Variants in DCDC2B observed in about 807,000 individuals in gnomAD.
The protein encoded by DCDC2B is doublecortin domain containing 2B.
DCDC2B carries 41 observed loss-of-function variants against 38.9 expected under a neutral mutation model. That is an observed-to-expected ratio of 1.05 (90% CI 0.82 to 1.37). The LOEUF (loss-of-function observed/expected upper bound fraction) is 1.37. Ranked by LOEUF, DCDC2B falls within the 40% of genes most tolerant of loss-of-function variation. The pLI is 0.00. For synonymous variants in DCDC2B, 181 were observed against 171.9 expected (o/e 1.05, Z -0.41); for missense variants, 453 against 427.2 (o/e 1.06, Z -0.53).
rs41263995 is a variant in DCDC2B, at chr1:32,214,737, G to A, written c.715-60G>A. 2,721 of 1,604,200 alleles carry A rather than the reference G, an allele frequency of 1.7e-3. 5 individuals carry two copies. Among genetic ancestry groups the A allele is most frequent in the Non-Finnish European group, 2.2e-3 (2,536 of 1,174,668 alleles). On this transcript the variant is annotated intron_variant, in intron 6 of 8. Transcript: ENST00000409358. Reference sequence around the variant, plus strand: ...AGGGGCTCTCTGAAGCCTGAACTGGGGAGTAGGAAAGGTAAGAATGGCCAG... The same window carrying A: ...AGGGGCTCTCTGAAGCCTGAACTGGAGAGTAGGAAAGGTAAGAATGGCCAG...
rs1013885160 is a variant in DCDC2B at position 32,210,757 on chromosome 1, C to T, written c.267-515C>T. Among the ~76,000 whole-genome samples, 15 of 151,944 alleles carry T rather than the reference C, an allele frequency of 9.9e-5. No individual in the cohort carries two copies. In the East Asian group the frequency reaches 2.1e-3, roughly 22 times the overall value. On this transcript the variant is annotated intron_variant, in intron 1 of 8. Transcript: ENST00000409358. ...CAGGGTCTTGCTCTGTCACCCAGGC[C>T]GGAGTGCAGTGCACTGGCGCGATCA...
chr1:32,212,666 G>C (rs1643637999), intron 5 of DCDC2B, 30 bp downstream of exon 5: 2 of 1,613,134 alleles, frequency 1.2e-6, no homozygotes, highest in South Asian at 1.1e-5. Flanking sequence ...AGCGGTAACA[G>C]GCCGGGCAGA....
chr1:32,215,264 A>AG (rs1424632664), intron 7 of DCDC2B, 176 bp from the exon 8 acceptor site: 2 of 616,978 alleles, frequency 3.2e-6, no homozygotes, highest in African/African-American at 3.7e-5. Context: ...GGTGGGATAT[A>AG]GAGGGGATGG....
chr1:32,213,980 T>C (rs1643692546), intron 6 of DCDC2B, among the ~76,000 whole-genome samples: 1 of 151,874 alleles, frequency 6.6e-6, no homozygotes, highest in East Asian at 2.0e-4. Flanking sequence ...AAAGAAAGAT[T>C]ATCCCCATTT....
intron 6 of DCDC2B, chr1:32,214,490 A>T (rs1295984521): frequency 2.8e-6 from 1 of 355,946 alleles, no homozygotes; most frequent in East Asian, 5.6e-5. Context: ...AAGGGAACTT[A>T]TATTATCCAG....
At position 32,211,148 on chromosome 1, in the gene DCDC2B, T is replaced by C. The variant is rs922633836; in HGVS notation, c.267-124T>C. The C allele has an allele frequency of 1.8e-5, 16 of 880,924 alleles. No homozygotes were observed. The East Asian group carries it at 4.2e-4, about 23-fold the overall frequency. 54.6% of individuals were successfully genotyped at this position (880,924 alleles called of 1,614,324 possible). A position where few individuals can be genotyped will look rare whatever the true frequency, so the allele number is the denominator to read the frequency against. The stretch of plus-strand genomic sequence containing the variant: ...CCAATATCTTGTTTCTGGACTGAGA[T>C]GATTGCCACTATTCCATGGGGAGGG... On this transcript the variant is annotated intron_variant, in intron 1 of 8. Coordinates refer to ENST00000409358, the MANE Select transcript of DCDC2B (RefSeq NM_001099434.2).
rs920959546 is a variant in DCDC2B at position 32,209,812 on chromosome 1, G to A, written c.266+453G>A. On this transcript the variant is annotated intron_variant, in intron 1 of 8. Transcript: ENST00000409358. ...GTCTCCCAGGGTGGGAGAAGAATTT[G>A]AGTACCTGAGTCTCTGACTCATGTC... Among the ~76,000 whole-genome samples, 3 of 152,190 alleles carry A rather than the reference G, an allele frequency of 2.0e-5. No individual in the cohort carries two copies. The East Asian group carries it at 5.8e-4, about 29-fold the overall frequency.
intron 6 of DCDC2B, among the ~76,000 whole-genome samples, chr1:32,213,901 C>T (rs1643688690): frequency 1.3e-5 from 2 of 152,144 alleles, no homozygotes; most frequent in South Asian, 4.1e-4. Context: ...ATCTGCCCAC[C>T]TCAGCCTCCC....
intron 6 of DCDC2B, among the ~76,000 whole-genome samples, 184 bp downstream of exon 6, chr1:32,212,977 G>A (rs1025997855): frequency 2.6e-5 from 4 of 151,776 alleles, no homozygotes; most frequent in South Asian, 2.1e-4. Context: ...TGCAACCTCC[G>A]CCTCCCAGGT....
chr1:32,211,423 G>C, intron 2 of DCDC2B, 100 bp downstream of exon 2: 2 of 1,254,194 alleles, frequency 1.6e-6, no homozygotes, highest in East Asian at 2.4e-5. Flanking sequence ...AGCAGGATCT[G>C]CCAGTTCCAG....
chr1:32,213,944 G>A (rs12737813), intron 6 of DCDC2B, among the ~76,000 whole-genome samples: 5 of 151,820 alleles, frequency 3.3e-5, no homozygotes, highest in East Asian at 2.0e-4. Context: ...GAGCCACCTC[G>A]CCTGGCCACT....
At chr1:32,215,029 T>C (rs1413855206) in intron 7 of DCDC2B, 97 bp downstream of exon 7, 36 of 1,480,730 alleles carry the variant, frequency 2.4e-5, no homozygotes, top group Non-Finnish European at 3.2e-5. Flanking sequence ...GGGAGCAGAA[T>C]GCTCAGACAC....
intron 7 of DCDC2B, 55 bp from the exon 8 acceptor site, chr1:32,215,385 G>A: frequency 6.9e-7 from 1 of 1,458,004 alleles, no homozygotes; most frequent in South Asian, 1.2e-5. Flanking sequence ...TCCAGGGCAG[G>A]AATGCTGAGG....
intron 6 of DCDC2B, chr1:32,214,474 G>C (rs1177953128): frequency 3.4e-6 from 1 of 295,838 alleles, no homozygotes; most frequent in African/African-American, 2.1e-5. Flanking sequence ...TGGCACAGCA[G>C]GGTCCAAGGG....
At chr1:32,214,720 T>G in intron 6 of DCDC2B, 77 bp from the exon 7 acceptor site, 1 of 1,583,878 alleles carries the variant, frequency 6.3e-7, no homozygotes, top group Non-Finnish European at 8.6e-7. Context: ...TCAGGGGCTC[T>G]CTGAAGCCTG....
In DCDC2B at chr1:32,211,746, T is replaced by A. The variant is rs1275026895; in HGVS notation, c.319-15T>A. 1 of 1,597,968 alleles carries A rather than the reference T, an allele frequency of 6.3e-7. No homozygotes were observed. The highest frequency in any genetic ancestry group is 1.3e-5 in the African/African-American group (1 of 74,592). ...CCCCAACTCTCCTGATTTGGAGGCC[T>A]GACATGGGTTTCAGGGTCCTCCCGT... On this transcript the variant is annotated splice_polypyrimidine_tract_variant and intron_variant, in intron 2 of 8. Transcript: ENST00000409358.
chr1:32,210,714 C>G (rs1643550730), intron 1 of DCDC2B, among the ~76,000 whole-genome samples: 1 of 144,726 alleles, frequency 6.9e-6, no homozygotes, highest in Non-Finnish European at 1.5e-5. Flanking sequence ...TTTCTCTTGA[C>G]TTTTTTTTTT....
At chr1:32,212,299 T>C (rs943510984) in intron 4 of DCDC2B, 98 bp downstream of exon 4, 2 of 1,563,832 alleles carry the variant, frequency 1.3e-6, no homozygotes, top group African/African-American at 2.7e-5. Context: ...GGAAAGCATG[T>C]TCCCCCACAT....
At chr1:32,215,765 C>A in intron 8 of DCDC2B, 37 bp from the exon 9 acceptor site, 3 of 1,478,816 alleles carry the variant, frequency 2.0e-6, no homozygotes, top group East Asian at 2.5e-5. Context: ...TGGCCATACT[C>A]ACGGCTCCAT....
Sources: gnomAD v4.1 joint callset for allele counts (sites outside exome capture counted in the v4.1 genomes callset) on GRCh38, gnomAD v4.1.1 for gene constraint, MANE v1.5 for transcripts, NCBI Gene and HGNC (gene_info 2026-07-23, HGNC 2026-07-21) for gene names.